UBE2D3: variants seen among roughly 807,000 people sequenced by gnomAD.
UBE2D3 encodes the protein ubiquitin-conjugating enzyme E2 D3.
In UBE2D3, 2 loss-of-function variants were observed where a neutral mutation model predicts 22.8. That is an observed-to-expected ratio of 0.09 (90% CI 0.04 to 0.28). UBE2D3 has a LOEUF of 0.28. Among genes scored for constraint, UBE2D3 ranks in the 10% least tolerant of loss-of-function variants. UBE2D3 has a pLI of 1.00. For missense variants in UBE2D3, 27 were observed against 182.5 expected (o/e 0.15, Z 4.91); for synonymous variants, 56 against 60.4 (o/e 0.93, Z 0.34).
chr4:102,829,379 A>G (rs572932111), upstream of UBE2D3, among the ~76,000 whole-genome samples: 1 of 152,298 alleles, frequency 6.6e-6, no homozygotes, highest in South Asian at 2.1e-4. Context: ...CTAGCCAGAT[A>G]TACTAAAAGC....
At chr4:102,857,409 A>G (rs186400256) in intron 1 of UBE2D3, among the ~76,000 whole-genome samples, 282 of 152,346 alleles carry the variant, frequency 1.9e-3, no homozygotes, top group African/African-American at 6.5e-3. Flanking sequence ...ATTTCACATT[A>G]GAAATTGAGT....
At chr4:102,848,351 AAAAG>A (rs1233363578) in intron 1 of UBE2D3, among the ~76,000 whole-genome samples, 1 of 152,078 alleles carries the variant, frequency 6.6e-6, no homozygotes. Flanking sequence ...TCTCTACAAA[AAAAG>A]AAAAATAGGC....
At chr4:102,799,249 TAGTTA>T (rs573315641) in intron 7 of UBE2D3, among the ~76,000 whole-genome samples, 153 bp downstream of exon 7, 332 of 152,042 alleles carry the variant, frequency 2.2e-3, no homozygotes, top group African/African-American at 7.2e-3. Flanking sequence ...AGCTAAAGCC[TAGTTA>T]AGTTTTTTTA....
At chr4:102,857,620 T>C (rs952633015) in intron 1 of UBE2D3, among the ~76,000 whole-genome samples, 2 of 152,164 alleles carry the variant, frequency 1.3e-5, no homozygotes, top group African/African-American at 4.8e-5. Flanking sequence ...GTCTACTGCA[T>C]TTAGTTTTAT....
At chr4:102,824,486 C>G (rs1042436582) in intron 2 of UBE2D3, among the ~76,000 whole-genome samples, 11 of 152,210 alleles carry the variant, frequency 7.2e-5, no homozygotes, top group African/African-American at 2.7e-4. Flanking sequence ...ATATTAGGCA[C>G]ACAGTCATTT....
chr4:102,848,966 TC>T, intron 1 of UBE2D3, among the ~76,000 whole-genome samples: 1 of 143,036 alleles, frequency 7.0e-6, no homozygotes, highest in East Asian at 2.1e-4. Context: ...TGTGTGTGTG[TC>T]CAACCCAATC....
chr4:102,803,615 T>A (rs1004975410), intron 4 of UBE2D3, among the ~76,000 whole-genome samples: 3 of 152,238 alleles, frequency 2.0e-5, no homozygotes, highest in Admixed American at 1.3e-4. Context: ...CAATTTTTTT[T>A]ATCTTGATGA....
intron 3 of UBE2D3, 29 bp from the exon 4 acceptor site, chr4:102,809,732 C>T: frequency 6.2e-7 from 1 of 1,613,054 alleles, no homozygotes; most frequent in Non-Finnish European, 8.5e-7. Flanking sequence ...CTCTGGTTAT[C>T]TAAAAATGCA....
chr4:102,819,199 G>A (rs1334755867), intron 2 of UBE2D3, among the ~76,000 whole-genome samples: 6 of 151,876 alleles, frequency 4.0e-5, no homozygotes, highest in Admixed American at 2.0e-4. Context: ...GCATGATGGC[G>A]GGTGCCTGTA....
At chr4:102,804,978 C>T (rs1294330068) in intron 4 of UBE2D3, among the ~76,000 whole-genome samples, 1 of 152,164 alleles carries the variant, frequency 6.6e-6, no homozygotes, top group Non-Finnish European at 1.5e-5. Context: ...AGCCACCATG[C>T]CCGGCCCCAA....
chr4:102,804,731 T>C (rs1462115019), intron 4 of UBE2D3, among the ~76,000 whole-genome samples: 3 of 152,318 alleles, frequency 2.0e-5, no homozygotes, highest in Admixed American at 6.5e-5. Context: ...TGGAGTGCAG[T>C]GGCACGATCT....
At chr4:102,809,022 TA>T (rs3974641) in intron 4 of UBE2D3, 1,121 of 152,246 alleles carry the variant, frequency 7.4e-3, no homozygotes, top group South Asian at 0.042. Context: ...CTTAGCAAGT[TA>T]AAAAAAAAAA....
chr4:102,805,192 A>G (rs1726837461), intron 4 of UBE2D3, among the ~76,000 whole-genome samples: 3 of 152,206 alleles, frequency 2.0e-5, no homozygotes, highest in Admixed American at 6.5e-5. Context: ...ATTTAACACT[A>G]AAGTTCTGCC....
intron 1 of UBE2D3, among the ~76,000 whole-genome samples, chr4:102,864,808 C>T (rs1560897191): frequency 6.6e-6 from 1 of 152,086 alleles, no homozygotes; most frequent in African/African-American, 2.4e-5. Flanking sequence ...GCAATTATGA[C>T]AGTATGGTAT....
intron 1 of UBE2D3, among the ~76,000 whole-genome samples, chr4:102,853,135 A>ACACATCTTTTTTTTT (rs752835398): frequency 1.1e-5 from 1 of 88,598 alleles, no homozygotes; most frequent in Non-Finnish European, 2.1e-5. Flanking sequence ...AAACACACAC[A>ACACATCTTTTTTTTT]TTTTTTTTTT....
At chr4:102,853,561 A>G (rs1182214945) in intron 1 of UBE2D3, among the ~76,000 whole-genome samples, 1 of 152,194 alleles carries the variant, frequency 6.6e-6, no homozygotes, top group Non-Finnish European at 1.5e-5. Context: ...GTAAACTAAT[A>G]TATGTAGGAC....
chr4:102,835,008 C>T (rs1173426139), intron 1 of UBE2D3, among the ~76,000 whole-genome samples: 1 of 152,148 alleles, frequency 6.6e-6, no homozygotes, highest in East Asian at 1.9e-4. Context: ...CCCACTCTCT[C>T]AGGATACCCT....
intron 2 of UBE2D3, chr4:102,812,588 G>C (rs1045254400): frequency 6.6e-6 from 1 of 152,146 alleles, no homozygotes; most frequent in African/African-American, 2.4e-5. Flanking sequence ...CAAAACTGAG[G>C]AACTGAACAA....
At chr4:102,827,956 A>G, upstream of UBE2D3, 6 of 985,518 alleles carry the variant, frequency 6.1e-6, no homozygotes, top group South Asian at 2.8e-4. Context: ...GGTATCGAGG[A>G]GACGACTCTC....
Sources: allele counts gnomAD v4.1 joint callset (sites outside exome capture counted in the v4.1 genomes callset), GRCh38; gene constraint gnomAD v4.1.1; transcripts MANE v1.5; gene names NCBI Gene and HGNC (gene_info 2026-07-23, HGNC 2026-07-21).